Variants in LSM4 observed in about 807,000 individuals in gnomAD.
LSM4 encodes the protein U6 snRNA-associated Sm-like protein LSm4.
LSM4 carries 15 observed loss-of-function variants against 22.3 expected under a neutral mutation model. The observed-to-expected ratio is 0.67, with a 90% CI of 0.45 to 1.03. LSM4 has a LOEUF of 1.03. LSM4 is among the 50% of genes least tolerant of loss of function. LSM4 has a pLI of 0.00. For synonymous variants in LSM4, 90 were observed against 79.8 expected (o/e 1.13, Z -0.68); for missense variants, 127 against 198.0 (o/e 0.64, Z 2.15).
At chr19:18,312,563 AC>A in intron 3 of LSM4, 40 bp downstream of exon 3, 2 of 1,540,486 alleles carry the variant, frequency 1.3e-6, no homozygotes, top group Non-Finnish European at 1.8e-6. Context: ...CTGAGTGTGC[AC>A]CCCCTGCATC....
chr19:18,307,447 C>T lies in LSM4; in HGVS notation c.*17G>A. 6.6e-7 allele frequency: 1 copy of T among 1,505,978 alleles called. No individual in the cohort carries two copies. 93.3% of individuals were successfully genotyped at this position (1,505,978 alleles called of 1,614,324 possible). ...ACCCTGGCAGGAGGGGGCGCAGCAG[C>T]CGGTCTGGGTGGGCGCTCACTGTTT... On this transcript the variant is annotated 3_prime_UTR_variant, in exon 5 of 5. Transcript: ENST00000593829.
At chr19:18,321,635 T>C (rs564728355) in intron 1 of LSM4, among the ~76,000 whole-genome samples, 3 of 152,310 alleles carry the variant, frequency 2.0e-5, no homozygotes, top group African/African-American at 7.2e-5. Context: ...TTTAGGTAAC[T>C]TCAGCCTCTG....
intron 3 of LSM4, 88 bp from the exon 4 acceptor site, chr19:18,309,949 A>C: frequency 1.5e-6 from 2 of 1,305,892 alleles, no homozygotes; most frequent in Non-Finnish European, 2.1e-6. Flanking sequence ...GATCCTGCCC[A>C]GCCTGCACCC....
intron 1 of LSM4, among the ~76,000 whole-genome samples, chr19:18,322,598 T>C (rs1265775462): frequency 2.0e-5 from 3 of 152,052 alleles, no homozygotes; most frequent in African/African-American, 7.2e-5. Flanking sequence ...AAAACTAAGT[T>C]TCACAACTCA....
intron 1 of LSM4, among the ~76,000 whole-genome samples, chr19:18,320,185 C>T (rs1970410596): frequency 1.3e-5 from 2 of 152,172 alleles, no homozygotes; most frequent in Non-Finnish European, 1.5e-5. Flanking sequence ...AGGGGTGGAT[C>T]CTCAAAATCT....
chr19:18,309,221 TC>T, intron 4 of LSM4: 1 of 156,512 alleles, frequency 6.4e-6, no homozygotes, highest in Non-Finnish European at 1.4e-5. Context: ...AAAGCCCAGG[TC>T]CCCCCGAGAA....
At chr19:18,312,565 C>G in intron 3 of LSM4, 39 bp downstream of exon 3, 1 of 1,548,978 alleles carries the variant, frequency 6.5e-7, no homozygotes, top group Non-Finnish European at 8.9e-7. Flanking sequence ...GAGTGTGCAC[C>G]CCCTGCATCC....
chr19:18,314,686 G>A (rs540333251), intron 2 of LSM4, among the ~76,000 whole-genome samples: 8 of 152,184 alleles, frequency 5.3e-5, no homozygotes, highest in South Asian at 2.1e-4. Context: ...GGAAATATCC[G>A]GAATAGGCAA....
rs548958023 is a variant in LSM4, at chr19:18,320,186, C to A, written c.3+2832G>T. Among the ~76,000 whole-genome samples, 27 of 152,284 alleles carry A rather than the reference C, an allele frequency of 1.8e-4. No homozygotes were observed. In the South Asian group the frequency reaches 3.7e-3, roughly 21 times the overall value. On this transcript the variant is annotated intron_variant, in intron 1 of 4. Coordinates refer to ENST00000593829, the MANE Select transcript of LSM4 (RefSeq NM_012321.5). ...GAGAGGTCAGAGGAAGGGGTGGATC[C>A]TCAAAATCTTAAAAGAAGATACATC...
At chr19:18,322,942 C>G (rs1970441386) in intron 1 of LSM4, 76 bp downstream of exon 1, 1 of 1,567,062 alleles carries the variant, frequency 6.4e-7, no homozygotes, top group African/African-American at 1.4e-5. Context: ...ACCAAGCCCA[C>G]AGCGCCCGCC....
At position 18,323,009 on chromosome 19, in the gene LSM4, T is replaced by C. The variant is rs750117754; in HGVS notation, c.3+9A>G. On this transcript the variant is annotated intron_variant, in intron 1 of 4. Coordinates refer to ENST00000593829, the MANE Select transcript of LSM4 (RefSeq NM_012321.5). ...TCCCGGTGAGACCCCGCAGTTGCCCTGCCCTCACCATGGTGCCGGCGGGGA... is the reference window on the plus strand; with the variant it reads ...TCCCGGTGAGACCCCGCAGTTGCCCCGCCCTCACCATGGTGCCGGCGGGGA... 1.3e-6 allele frequency: 2 copies of C among 1,584,338 alleles called. No individual in the cohort carries two copies. The highest frequency in any genetic ancestry group is 2.4e-5 in the East Asian group (1 of 41,928).
intron 3 of LSM4, among the ~76,000 whole-genome samples, chr19:18,310,683 G>A (rs1343322807): frequency 2.0e-5 from 3 of 152,148 alleles, no homozygotes; most frequent in Admixed American, 1.3e-4. Flanking sequence ...CACGACGCCT[G>A]GATGGCCTTT....
At chr19:18,309,129 C>T (rs1305596183) in intron 4 of LSM4, among the ~76,000 whole-genome samples, 1 of 152,134 alleles carries the variant, frequency 6.6e-6, no homozygotes, top group East Asian at 1.9e-4. Context: ...TGGGGCCTTC[C>T]GGGGGCAGCC....
rs1568298034 is a variant in LSM4 at position 18,312,708 on chromosome 19, A to G, written c.46-6T>C. 6.2e-7 allele frequency: 1 copy of G among 1,609,662 alleles called. No individual in the cohort carries two copies. Among genetic ancestry groups the G allele is most frequent in the Admixed American group, 1.7e-5 (1 of 59,994 alleles). ...CCATTTTTCAGCTCCACCAACTAGA[A>G]GAGAGACAGGCTAGAGGTTGGCTGT... On this transcript the variant is annotated splice_polypyrimidine_tract_variant and splice_region_variant and intron_variant, in intron 2 of 4. Coordinates refer to ENST00000593829, the MANE Select transcript of LSM4 (RefSeq NM_012321.5).
intron 4 of LSM4, 187 bp downstream of exon 4, chr19:18,309,491 G>A: frequency 3.3e-6 from 2 of 599,618 alleles, no homozygotes. Context: ...GCAGTGAGAG[G>A]AGGGCTGAGT....
chr19:18,311,890 C>G (rs1970302776), intron 3 of LSM4, among the ~76,000 whole-genome samples: 1 of 152,184 alleles, frequency 6.6e-6, no homozygotes, highest in Non-Finnish European at 1.5e-5. Context: ...CAGGCAGGCA[C>G]TCCAAGCTCC....
chr19:18,312,332 C>T (rs1568297882), intron 3 of LSM4: 2 of 408,886 alleles, frequency 4.9e-6, no homozygotes, highest in East Asian at 1.0e-4. Context: ...GCCTGAGCCA[C>T]AGGGAGTCCC....
chr19:18,322,904 G>T (rs76378167), intron 1 of LSM4, 114 bp downstream of exon 1: 2 of 1,458,958 alleles, frequency 1.4e-6, no homozygotes, highest in East Asian at 5.0e-5. Context: ...GGGACTCGAG[G>T]CTCGGACCTT....
intron 3 of LSM4, among the ~76,000 whole-genome samples, chr19:18,311,679 G>T (rs535163303): frequency 6.6e-6 from 1 of 152,132 alleles, no homozygotes; most frequent in Non-Finnish European, 1.5e-5. Flanking sequence ...CCTCCGACAG[G>T]CTATGGCACG....
Sources: allele counts gnomAD v4.1 joint callset (sites outside exome capture counted in the v4.1 genomes callset), GRCh38; gene constraint gnomAD v4.1.1; transcripts MANE v1.5; gene names NCBI Gene and HGNC (gene_info 2026-07-23, HGNC 2026-07-21).